The following ZNF276 variants were observed in gnomAD, a reference collection of about 807,000 sequenced individuals.
ZNF276 encodes zinc finger protein 276, also known as centromere protein Z.
Under a neutral mutation model 63.9 loss-of-function variants are expected in ZNF276, and 59 were observed. The observed-to-expected ratio is 0.92, with a 90% confidence interval of 0.75 to 1.15. The LOEUF (loss-of-function observed/expected upper bound fraction) is 1.15, where lower values mean the gene tolerates loss of function less well. ZNF276 is among the 50% of genes most tolerant of loss of function. ZNF276 has a pLI of 0.00. For missense variants in ZNF276, 1,084 were observed against 843.8 expected (o/e 1.28, Z -3.53); for synonymous variants, 496 against 348.4 (o/e 1.42, Z -4.72).
chr16:89,730,091 C>T (rs540153496), intron 6 of ZNF276, among the ~76,000 whole-genome samples: 8 of 152,282 alleles, frequency 5.3e-5, no homozygotes, highest in South Asian at 4.1e-4. Flanking sequence ...GAGAGGTCAA[C>T]GGCCTTTTTT....
intron 6 of ZNF276, chr16:89,732,126 T>C (rs1390296707): frequency 1.3e-5 from 2 of 151,354 alleles, no homozygotes; most frequent in Admixed American, 6.6e-5. Flanking sequence ...TCCTTAACTA[T>C]TCTTACCTGG....
At chr16:89,733,084 C>T (rs1376868729) in intron 6 of ZNF276, 3 of 573,344 alleles carry the variant, frequency 5.2e-6, no homozygotes, top group African/African-American at 1.9e-5. Context: ...CCTGACCCTG[C>T]TGTGTCCTGC....
In ZNF276 at chr16:89,738,665, G is replaced by C. The variant is rs1434753258; in HGVS notation, c.*419G>C. The C allele has an allele frequency of 1.2e-6, 2 of 1,613,706 alleles. No homozygotes were observed. Among genetic ancestry groups the C allele is most frequent in the Middle Eastern group, 1.7e-4 (1 of 6,012 alleles). On this transcript the variant is annotated 3_prime_UTR_variant, in exon 11 of 11. Coordinates refer to ENST00000443381, the MANE Select transcript of ZNF276 (RefSeq NM_001113525.2). ...GGCAGCCTGCTGTCTGCTCTGGAGG[G>C]CGGCGCTCACCTCTGGGTCGCAGTC...
rs762084649 is a variant in ZNF276, at chr16:89,738,173, C to T, written c.1772C>T (p.Ala591Val). 12 of 1,612,602 alleles carry T rather than the reference C, an allele frequency of 7.4e-6. No homozygotes were observed. The highest frequency in any genetic ancestry group is 6.7e-5 in the East Asian group (3 of 44,842). Residue 591 changes from alanine to valine, a missense_variant, in exon 11 of 11, where the codon GCG becomes GTG. Coordinates refer to ENST00000443381, the MANE Select transcript of ZNF276 (RefSeq NM_001113525.2). ...QTQDKALPLE[A>V]EPPPGPPSPS... ...CAGGACAAGGCCCTGCCCCTGGAGGCGGAACCACCACCTGGGCCACCGAGC... is the reference window on the plus strand; with the variant it reads ...CAGGACAAGGCCCTGCCCCTGGAGGTGGAACCACCACCTGGGCCACCGAGC...
chr16:89,726,191 T>C (rs1211772200), intron 4 of ZNF276, among the ~76,000 whole-genome samples: 1 of 151,238 alleles, frequency 6.6e-6, no homozygotes, highest in Non-Finnish European at 1.5e-5. Flanking sequence ...AATTTTTTTG[T>C]ATTTGTATTT....
chr16:89,731,462 C>G (rs2061648299), intron 6 of ZNF276: 1 of 152,264 alleles, frequency 6.6e-6, no homozygotes, highest in African/African-American at 2.4e-5. Flanking sequence ...CCCACGTTGG[C>G]CACACTGGTC....
At chr16:89,731,330 T>C (rs937457016) in intron 6 of ZNF276, among the ~76,000 whole-genome samples, 1 of 152,270 alleles carries the variant, frequency 6.6e-6, no homozygotes, top group Non-Finnish European at 1.5e-5. Flanking sequence ...CTTGGCTCAC[T>C]GCAACCTCCG....
At chr16:89,720,756 G>A, upstream of ZNF276, 1 of 1,443,874 alleles carries the variant, frequency 6.9e-7, no homozygotes, top group East Asian at 3.1e-5. Flanking sequence ...CCCCCGCCCC[G>A]CCTCACCCGG....
Position 89,734,012 on chromosome 16 carries a change from A to G in ZNF276, c.1448A>G (p.Gln483Arg). 1 of 1,614,078 alleles carries G rather than the reference A, an allele frequency of 6.2e-7. No homozygotes were observed. Among genetic ancestry groups the G allele is most frequent in the Non-Finnish European group, 8.5e-7 (1 of 1,180,028 alleles). ...NKVFMIDRYL[Q>R]RHVKLIHTEV... ...GTTTTCATGATCGACCGCTACCTGC[A>G]GCGCCACGTGAAGCTCATCCACACA... Residue 483 changes from glutamine (Q) to arginine (R), a missense_variant, in exon 9 of 11, where the codon CAG (glutamine) becomes CGG (arginine). Gln to Arg is a conservative substitution (Grantham distance 43). Transcript: ENST00000443381.
Position 89,722,068 on chromosome 16 carries a change from C to T in ZNF276, c.205+223C>T, listed in dbSNP as rs2061305473. Among the ~76,000 whole-genome samples the T allele has an allele frequency of 3.3e-5, 5 of 152,218 alleles. No homozygotes were observed. In the South Asian group the frequency reaches 1.0e-3, roughly 32 times the overall value. On this transcript the variant is annotated intron_variant, in intron 1 of 10. Coordinates refer to ENST00000443381, the MANE Select transcript of ZNF276 (RefSeq NM_001113525.2). The stretch of plus-strand genomic sequence containing the variant: ...CCGGCCTCCCCGGCCGCGGGCTCGG[C>T]CAGAAGGGACCCGGCGTGAGGAGCG...
At chr16:89,722,506 T>C (rs771506769) in intron 1 of ZNF276, 25 bp from the exon 2 acceptor site, 1 of 1,589,462 alleles carries the variant, frequency 6.3e-7, no homozygotes, top group African/African-American at 1.3e-5. Context: ...TGCCAGCTGC[T>C]AACACTTCCT....
At chr16:89,735,822 C>G (rs2061846586) in intron 9 of ZNF276, among the ~76,000 whole-genome samples, 1 of 152,156 alleles carries the variant, frequency 6.6e-6, no homozygotes, top group Non-Finnish European at 1.5e-5. Context: ...TCAAGCAATT[C>G]TCCTGTCTCA....
rs200120406 is a variant in ZNF276 at position 89,733,317 on chromosome 16, G to T, written c.1185G>T (p.Lys395Asn). ...PYPERKVSGK[K>N]SESKEAKKSE... ...TTTTTTTCAGAGTCTCTGGTAAGAA[G>T]AGTGAAAGCAAAGAAGCCAAGAAGT... The change falls in exon 7 of 11, where the codon AAG (lysine) becomes AAT (asparagine). Residue 395 changes from lysine to asparagine, a missense_variant. Lys to Asn is a moderately conservative substitution (Grantham distance 94). Transcript: ENST00000443381. 188 of 1,613,950 alleles carry T rather than the reference G, an allele frequency of 1.2e-4. No homozygotes were observed. The highest frequency in any genetic ancestry group is 8.2e-4 in the Middle Eastern group (5 of 6,084).
At chr16:89,728,962 C>G (rs1227640016) in intron 5 of ZNF276, among the ~76,000 whole-genome samples, 1 of 152,250 alleles carries the variant, frequency 6.6e-6, no homozygotes, top group African/African-American at 2.4e-5. Context: ...CGCCTCCACC[C>G]CTTCTGGGCC....
At chr16:89,737,638 A>C in intron 9 of ZNF276, 168 bp from the exon 10 acceptor site, 3 of 1,329,172 alleles carry the variant, frequency 2.3e-6, no homozygotes, top group African/African-American at 1.5e-5. Flanking sequence ...AAAGCAGTTT[A>C]AAGATCTTAA....
In ZNF276 at chr16:89,722,805, C is replaced by T. The variant is rs994566376; in HGVS notation, c.480C>T (p.Ser160=). 1 of 1,605,276 alleles carries T rather than the reference C, an allele frequency of 6.2e-7. No individual in the cohort carries two copies. The highest frequency in any genetic ancestry group is 8.5e-7 in the Non-Finnish European group (1 of 1,179,904). ...LKSFLQRVNA[S]PAGRRKPCAK... is the part of the protein sequence containing the mutation. ...CCTTCCTGCAGAGGGTCAACGCCTCCCCGGCTGGTCGCCGGAAGCCTTGTG... is the reference window on the plus strand; with the variant it reads ...CCTTCCTGCAGAGGGTCAACGCCTCTCCGGCTGGTCGCCGGAAGCCTTGTG... The change falls in exon 2 of 11, where the codon TCC becomes TCT. Residue 160 remains serine (S), a synonymous_variant. Transcript: ENST00000443381.
chr16:89,731,526 T>TA (rs1472834838), intron 6 of ZNF276: 1 of 152,284 alleles, frequency 6.6e-6, no homozygotes, highest in Non-Finnish European at 1.5e-5. Flanking sequence ...GTGCTGGGAT[T>TA]ACAGGCGTGA....
intron 1 of ZNF276, 138 bp from the exon 2 acceptor site, chr16:89,722,393 G>T (rs1012182094): frequency 3.1e-6 from 3 of 974,778 alleles, no homozygotes; most frequent in Non-Finnish European, 4.5e-6. Flanking sequence ...GCCGAGAGCC[G>T]CGCGCCCGAG....
upstream of ZNF276, chr16:89,720,929 A>G: frequency 2.4e-6 from 3 of 1,245,090 alleles, no homozygotes; most frequent in Non-Finnish European, 3.0e-6. Context: ...CCCGGAACGC[A>G]GCCGGCGCTG....
Sources: gnomAD v4.1 joint callset for allele counts (sites outside exome capture counted in the v4.1 genomes callset) on GRCh38, gnomAD v4.1.1 for gene constraint, MANE v1.5 for transcripts, NCBI Gene and HGNC (gene_info 2026-07-23, HGNC 2026-07-21) for gene names.